The following YES1 variants were observed in gnomAD, a reference collection of about 807,000 sequenced individuals.
YES1 encodes the protein tyrosine-protein kinase Yes.
YES1 carries 39 observed loss-of-function variants against 70.4 expected under a neutral mutation model. That is an observed-to-expected ratio of 0.55 (90% CI 0.43 to 0.72). YES1 has a LOEUF of 0.72. Ranked by LOEUF, YES1 falls within the 30% of genes least tolerant of loss-of-function variation. The pLI, the probability that YES1 is intolerant of heterozygous loss-of-function variation, is 0.00. For synonymous variants in YES1, 198 were observed against 218.6 expected (o/e 0.91, Z 0.83); for missense variants, 495 against 644.8 (o/e 0.77, Z 2.52).
At chr18:803,166 C>T (rs932203576) in intron 1 of YES1, among the ~76,000 whole-genome samples, 1 of 152,166 alleles carries the variant, frequency 6.6e-6, no homozygotes, top group African/African-American at 2.4e-5. Flanking sequence ...ACCTGGGAGG[C>T]AGAAGTTGCA....
rs2080277081 is a variant in YES1 at position 745,998 on chromosome 18, G to A, written c.524C>T (p.Pro175Leu). ...RKDAERLLLNPGNQRGIFLVR... is the reference protein window; with the variant it reads ...RKDAERLLLNLGNQRGIFLVR... The stretch of plus-strand genomic sequence containing the variant: ...TAAGAAAATACCTCGTTGATTTCCA[G>A]GATTCAAAAGTAATCTTTCAGCATC... Residue 175 changes from proline (P) to leucine (L), a missense_variant, in exon 5 of 12, where the codon CCT (proline) becomes CTT (leucine). Pro to Leu is a moderately conservative substitution (Grantham distance 98, BLOSUM62 -3). Around this residue, in one of 2 missense-constraint regions of YES1, gnomAD observed 385 missense variants for 540.9 expected, o/e 0.71. Coordinates refer to ENST00000314574, the MANE Select transcript of YES1 (RefSeq NM_005433.4). The A allele has an allele frequency of 1.2e-6, 2 of 1,612,792 alleles. No homozygotes were observed. The highest frequency in any genetic ancestry group is 2.2e-5 in the East Asian group (1 of 44,788).
intron 2 of YES1, among the ~76,000 whole-genome samples, chr18:752,857 C>A (rs143361346): frequency 6.6e-6 from 1 of 152,042 alleles, no homozygotes; most frequent in East Asian, 1.9e-4. Context: ...ACAGGAGAAT[C>A]GCTTGAAACC....
chr18:807,517 A>G (rs1419426112), intron 1 of YES1, among the ~76,000 whole-genome samples: 1 of 152,154 alleles, frequency 6.6e-6, no homozygotes, highest in Non-Finnish European at 1.5e-5. Flanking sequence ...AGCAAAACAC[A>G]AAAACACAAA....
intron 3 of YES1, among the ~76,000 whole-genome samples, chr18:750,403 A>G (rs2080329263): frequency 6.6e-6 from 1 of 152,212 alleles, no homozygotes; most frequent in South Asian, 2.1e-4. Context: ...CTTCAGCACT[A>G]TTGACACCTT....
intron 1 of YES1, among the ~76,000 whole-genome samples, chr18:800,329 G>C (rs1906755393): frequency 6.6e-6 from 1 of 152,148 alleles, no homozygotes; most frequent in South Asian, 2.1e-4. Flanking sequence ...AACAACTTTA[G>C]TAACCAAAAC....
intron 2 of YES1, among the ~76,000 whole-genome samples, chr18:755,384 G>A (rs568509777): frequency 8.5e-5 from 13 of 152,128 alleles, no homozygotes; most frequent in Non-Finnish European, 1.8e-4. Flanking sequence ...GAGTAGCTGG[G>A]ACTACAGGTG....
intron 11 of YES1, among the ~76,000 whole-genome samples, chr18:728,328 A>AG (rs1831512007): frequency 6.6e-6 from 1 of 151,862 alleles, no homozygotes; most frequent in African/African-American, 2.4e-5. Flanking sequence ...GTCTCAAAAA[A>AG]AAAAAAATTC....
rs76295281 is a variant in YES1, at chr18:789,257, T to C, written c.-9+22857A>G. Among the ~76,000 whole-genome samples the C allele has an allele frequency of 3.5e-3, 538 of 152,188 alleles. 4 individuals are homozygous for C. The highest frequency in any genetic ancestry group is 0.012 in the African/African-American group (508 of 41,510). On this transcript the variant is annotated intron_variant, in intron 1 of 11. Coordinates refer to ENST00000314574, the MANE Select transcript of YES1 (RefSeq NM_005433.4). ...AAATATTCATGACCCAATACACTTA[T>C]GTCAAAGAGAGAACAAAACCCACAA...
At chr18:795,594 T>A (rs529775772) in intron 1 of YES1, among the ~76,000 whole-genome samples, 1 of 152,280 alleles carries the variant, frequency 6.6e-6, no homozygotes, top group East Asian at 1.9e-4. Context: ...AATGAGTTCA[T>A]GTCCTTTGCA....
chr18:804,804 C>T (rs1326134953), intron 1 of YES1, among the ~76,000 whole-genome samples: 2 of 147,792 alleles, frequency 1.4e-5, no homozygotes, highest in African/African-American at 5.0e-5. Flanking sequence ...ATCCCAGCTA[C>T]TTGGGAGGCT....
At chr18:743,217 C>T in intron 7 of YES1, 43 bp downstream of exon 7, 1 of 1,586,504 alleles carries the variant, frequency 6.3e-7, no homozygotes, top group South Asian at 1.1e-5. Flanking sequence ...CACTTTAATC[C>T]ACAGCTAAAC....
chr18:775,865 C>T (rs563005617), intron 1 of YES1, among the ~76,000 whole-genome samples: 7 of 152,106 alleles, frequency 4.6e-5, no homozygotes, highest in South Asian at 2.1e-4. Flanking sequence ...TTTCACTTAA[C>T]GATGCTTCTG....
chr18:739,143 A>G (rs1377914609), intron 9 of YES1: 1 of 152,216 alleles, frequency 6.6e-6, no homozygotes, highest in Non-Finnish European at 1.5e-5. Flanking sequence ...TCTATTTTCT[A>G]AGAAACCGTA....
At chr18:808,391 C>G (rs1188406380) in intron 1 of YES1, among the ~76,000 whole-genome samples, 1 of 152,232 alleles carries the variant, frequency 6.6e-6, no homozygotes, top group African/African-American at 2.4e-5. Context: ...GGCACTGGAG[C>G]AGCTGAGAGG....
chr18:794,961 G>A (rs537259465), intron 1 of YES1, among the ~76,000 whole-genome samples: 23 of 152,182 alleles, frequency 1.5e-4, no homozygotes, highest in African/African-American at 3.1e-4. Context: ...AACTACAGGC[G>A]CGTGCCACCA....
chr18:798,115 T>A (rs1906635469), intron 1 of YES1: 1 of 152,188 alleles, frequency 6.6e-6, no homozygotes, highest in Admixed American at 6.6e-5. Flanking sequence ...GATCATGGTA[T>A]CTCCCCAGCC....
chr18:751,952 A>C, intron 2 of YES1, 148 bp from the exon 3 acceptor site: 1 of 626,488 alleles, frequency 1.6e-6, no homozygotes, highest in Non-Finnish European at 2.8e-6. Flanking sequence ...GGAACTACTG[A>C]AGAATTTTAA....
At chr18:804,552 G>C (rs1598949623) in intron 1 of YES1, among the ~76,000 whole-genome samples, 1 of 144,102 alleles carries the variant, frequency 6.9e-6, no homozygotes, top group South Asian at 2.3e-4. Context: ...AGAGGTTGCA[G>C]TGAGCCGAGA....
chr18:779,028 C>A (rs1047502555), intron 1 of YES1, among the ~76,000 whole-genome samples: 1 of 152,132 alleles, frequency 6.6e-6, no homozygotes, highest in East Asian at 1.9e-4. Context: ...AGTAACCCAA[C>A]TCCTTCTAAA....
Sources: gnomAD v4.1 joint callset for allele counts (sites outside exome capture counted in the v4.1 genomes callset) on GRCh38, gnomAD v4.1.1 for gene constraint, gnomAD v4.1.1 regional missense constraint, MANE v1.5 for transcripts, NCBI Gene and HGNC (gene_info 2026-07-23, HGNC 2026-07-21) for gene names.